The following PROS1 variants were observed in gnomAD, a reference collection of about 807,000 sequenced individuals.
PROS1 encodes protein S.
A neutral mutation model predicts 75.9 loss-of-function variants in PROS1; 29 were observed. That is an observed-to-expected ratio of 0.38 (90% CI 0.28 to 0.52). The LOEUF is 0.52. Among genes scored for constraint, PROS1 ranks in the 20% least tolerant of loss-of-function variants. The pLI is 0.83. For missense variants in PROS1, 680 were observed against 810.3 expected (o/e 0.84, Z 1.95); for synonymous variants, 245 against 280.6 (o/e 0.87, Z 1.27).
intron 12 of PROS1, among the ~76,000 whole-genome samples, chr3:93,881,554 C>CA (rs1553808813): frequency 1.6e-5 from 2 of 125,702 alleles, no homozygotes; most frequent in African/African-American, 5.7e-5. Context: ...ATGTAGTAAG[C>CA]ACTTTTTTTT....
chr3:93,900,597 C>T (rs892332295), intron 7 of PROS1, among the ~76,000 whole-genome samples: 2 of 152,168 alleles, frequency 1.3e-5, no homozygotes, highest in South Asian at 2.1e-4. Context: ...GGCCAACTGG[C>T]GTGCCTAACA....
intron 1 of PROS1, among the ~76,000 whole-genome samples, chr3:93,962,831 T>C (rs990393376): frequency 1.2e-4 from 18 of 152,178 alleles, no homozygotes; most frequent in Non-Finnish European, 2.5e-4. Context: ...TGTACCTGAG[T>C]GTCCATCACT....
At chr3:93,899,844 GT>G (rs1309319698) in intron 7 of PROS1, among the ~76,000 whole-genome samples, 2 of 152,128 alleles carry the variant, frequency 1.3e-5, no homozygotes, top group Admixed American at 6.5e-5. Context: ...TGATGAAAAA[GT>G]TTTGGAAATA....
At position 93,879,331 on chromosome 3, in the gene PROS1, A is replaced by G. The variant is rs199469501; in HGVS notation, c.1493-17T>C. 1.1e-5 allele frequency: 18 copies of G among 1,613,208 alleles called. No homozygotes were observed. In the East Asian group the frequency reaches 4.0e-4, roughly 36 times the overall value. ...ATACATTATCTATTTAAAATAATGA[A>G]ACAGAAGCATGATCAATGCACTCCT... On this transcript the variant is annotated splice_polypyrimidine_tract_variant and intron_variant, in intron 12 of 14. Transcript: ENST00000394236.
rs559292587 is a variant in PROS1, at chr3:93,973,702, G to A, written c.48C>T (p.Leu16=). The A allele has an allele frequency of 2.5e-6, 4 of 1,614,040 alleles. No individual in the cohort carries two copies. In the South Asian group the frequency reaches 4.4e-5, roughly 18 times the overall value. Residue 16 remains leucine (L), a synonymous_variant, in exon 1 of 15, where the codon CTC becomes CTT. Coordinates refer to ENST00000394236, the MANE Select transcript of PROS1 (RefSeq NM_000313.4). Reference sequence around the variant, plus strand: ...TTGCCTCTGAGACGGGAAGCACTAGGAGGAGACACGCCAGCAGCGCCCCGC... The same window carrying A: ...TTGCCTCTGAGACGGGAAGCACTAGAAGGAGACACGCCAGCAGCGCCCCGC... ...GRCGALLACL[L]LVLPVSEANF... is the part of the protein sequence containing the mutation.
intron 9 of PROS1, among the ~76,000 whole-genome samples, chr3:93,893,388 C>T (rs1198185875): frequency 6.6e-6 from 1 of 151,996 alleles, no homozygotes; most frequent in African/African-American, 2.4e-5. Flanking sequence ...GGTAATTTGT[C>T]ATCTTTCTTT....
At chr3:93,942,482 G>A (rs139898301) in intron 1 of PROS1, among the ~76,000 whole-genome samples, 17 of 152,216 alleles carry the variant, frequency 1.1e-4, no homozygotes, top group East Asian at 7.7e-4. Context: ...AGATCCCATC[G>A]CTCAGGACAG....
In PROS1 at chr3:93,951,264, G is replaced by A. The variant is rs531862179; in HGVS notation, c.76+22410C>T. Among the ~76,000 whole-genome samples, 7 of 152,170 alleles carry A rather than the reference G, an allele frequency of 4.6e-5. No homozygotes were observed. The East Asian group carries it at 1.2e-3, about 25-fold the overall frequency. ...AGAGAATGCCAGAAAGACACTCCTC[G>A]AGAAGAGCAACTCCAAGAAACATAA... On this transcript the variant is annotated intron_variant, in intron 1 of 14. Transcript: ENST00000394236.
chr3:93,937,154 C>T (rs888892751), intron 1 of PROS1, among the ~76,000 whole-genome samples: 9 of 152,056 alleles, frequency 5.9e-5, no homozygotes, highest in African/African-American at 2.2e-4. Flanking sequence ...ATCCGAGCTC[C>T]CTGAGTGTAC....
chr3:93,874,007 C>A lies in PROS1; in HGVS notation c.*238G>T. On this transcript the variant is annotated 3_prime_UTR_variant, in exon 15 of 15. Coordinates refer to ENST00000394236, the MANE Select transcript of PROS1 (RefSeq NM_000313.4). ...AACTGTCATTTGTAGGAAAAAAATTCAAATTTAAAATTGTTATTTTTCACT... is the reference window on the plus strand; with the variant it reads ...AACTGTCATTTGTAGGAAAAAAATTAAAATTTAAAATTGTTATTTTTCACT... 4.7e-6 allele frequency: 2 copies of A among 428,506 alleles called. No homozygotes were observed. Among genetic ancestry groups the A allele is most frequent in the African/African-American group, 2.0e-5 (1 of 49,736 alleles). The allele number at this position is 428,506 out of a possible 1,614,324, so 26.5% of individuals were successfully genotyped here.
At chr3:93,915,789 G>C (rs984600832) in intron 3 of PROS1, among the ~76,000 whole-genome samples, 1 of 148,286 alleles carries the variant, frequency 6.7e-6, no homozygotes, top group Non-Finnish European at 1.5e-5. Flanking sequence ...CTTTTTTTTT[G>C]ACCCCTCACC....
chr3:93,963,167 G>A lies in PROS1; in HGVS notation c.76+10507C>T, dbSNP rs1211421282. ...TCTCATTTCCTTCAGCAAGCAATTC[G>A]TTTTCTTTTGAGAAACTGCTCTTGG... On this transcript the variant is annotated intron_variant, in intron 1 of 14. Transcript: ENST00000394236. 1.1e-4 allele frequency among the ~76,000 whole-genome samples: 17 copies of A among 152,244 alleles called. No individual in the cohort carries two copies. In the East Asian group the frequency reaches 2.5e-3, roughly 23 times the overall value.
At chr3:93,959,742 T>C (rs548980953) in intron 1 of PROS1, among the ~76,000 whole-genome samples, 7 of 152,358 alleles carry the variant, frequency 4.6e-5, no homozygotes, top group Admixed American at 3.3e-4. Flanking sequence ...ATAGCAAAGT[T>C]ATAGACCATG....
At chr3:93,882,022 A>G (rs1319894839) in intron 12 of PROS1, among the ~76,000 whole-genome samples, 1 of 152,216 alleles carries the variant, frequency 6.6e-6, no homozygotes, top group African/African-American at 2.4e-5. Flanking sequence ...AAATAATTAG[A>G]ATTTATAAAT....
Position 93,910,411 on chromosome 3 carries a change from A to G in PROS1, c.346+208T>C, listed in dbSNP as rs148573562. ...GAGAACACTGTTCAGTTTAAACATT[A>G]GGCAAAAAAATTCATTTTGAGTAAT... On this transcript the variant is annotated intron_variant, in intron 4 of 14. Coordinates refer to ENST00000394236, the MANE Select transcript of PROS1 (RefSeq NM_000313.4). Among the ~76,000 whole-genome samples the G allele has an allele frequency of 6.0e-3, 921 of 152,342 alleles. 1 individual carries two copies. The highest frequency in any genetic ancestry group is 9.6e-3 in the Non-Finnish European group (656 of 68,018).
In PROS1 at chr3:93,930,207, G is replaced by A. The variant is rs140824368; in HGVS notation, c.77-2800C>T. 3.2e-4 allele frequency among the ~76,000 whole-genome samples: 49 copies of A among 152,278 alleles called. No homozygotes were observed. The East Asian group carries it at 8.5e-3, about 26-fold the overall frequency. On this transcript the variant is annotated intron_variant, in intron 1 of 14. Transcript: ENST00000394236. ...AATAGAGATTAAGTCAAGGCAGAACGTATATAAAAGATGGTACTCTGTGAT... is the reference window on the plus strand; with the variant it reads ...AATAGAGATTAAGTCAAGGCAGAACATATATAAAAGATGGTACTCTGTGAT...
chr3:93,934,112 G>A (rs1274846409), intron 1 of PROS1, among the ~76,000 whole-genome samples: 2 of 151,148 alleles, frequency 1.3e-5, no homozygotes, highest in African/African-American at 2.4e-5. Flanking sequence ...CCCAGGAGGC[G>A]GAGGCTGGAG....
chr3:93,963,014 A>G (rs1161233051), intron 1 of PROS1, among the ~76,000 whole-genome samples: 5 of 152,274 alleles, frequency 3.3e-5, no homozygotes. Context: ...GTGGTCTGTC[A>G]CTTGGCCTAG....
chr3:93,967,445 G>A (rs1278899102), intron 1 of PROS1, among the ~76,000 whole-genome samples: 1 of 152,196 alleles, frequency 6.6e-6, no homozygotes, highest in Non-Finnish European at 1.5e-5. Flanking sequence ...CTTGGCCTTA[G>A]TGTATATCCT....
Sources: gnomAD v4.1 joint callset for allele counts (sites outside exome capture counted in the v4.1 genomes callset) on GRCh38, gnomAD v4.1.1 for gene constraint, MANE v1.5 for transcripts, NCBI Gene and HGNC (gene_info 2026-07-23, HGNC 2026-07-21) for gene names.